XPR1: variants seen among roughly 807,000 people sequenced by gnomAD.
The protein encoded by XPR1 is xenotropic and polytropic retrovirus receptor 1.
A neutral mutation model predicts 87.5 loss-of-function variants in XPR1; 28 were observed. The observed-to-expected ratio is 0.32, with a 90% CI of 0.24 to 0.44. The LOEUF is 0.44. XPR1 is among the 20% of genes least tolerant of loss of function. The pLI is 1.00. For missense variants in XPR1, 559 were observed against 862.3 expected (o/e 0.65, Z 4.41); for synonymous variants, 300 against 306.1 (o/e 0.98, Z 0.21).
intron 7 of XPR1, among the ~76,000 whole-genome samples, chr1:180,813,102 T>C (rs1328106844): frequency 2.7e-5 from 4 of 145,740 alleles, no homozygotes; most frequent in African/African-American, 1.0e-4. Context: ...TCATGGCTAC[T>C]CTTAAAATAA....
At chr1:180,863,935 T>G in intron 12 of XPR1, 61 bp downstream of exon 12, 1 of 1,444,312 alleles carries the variant, frequency 6.9e-7, no homozygotes. Context: ...TAGCTAATCC[T>G]GTTGCAGTAC....
chr1:180,696,208 G>GTATATATATATA (rs71121045), intron 2 of XPR1, among the ~76,000 whole-genome samples: 99 of 88,552 alleles, frequency 1.1e-3, no homozygotes, highest in African/African-American at 2.5e-3. Context: ...GTGTGTGTGT[G>GTATATATATATA]TATATATATA....
chr1:180,703,518 C>T (rs1470727044), intron 2 of XPR1, among the ~76,000 whole-genome samples: 2 of 152,128 alleles, frequency 1.3e-5, no homozygotes, highest in Non-Finnish European at 2.9e-5. Flanking sequence ...CCTGATTATG[C>T]ACATAATGCA....
At chr1:180,739,886 G>A (rs754048715) in intron 2 of XPR1, among the ~76,000 whole-genome samples, 2 of 151,832 alleles carry the variant, frequency 1.3e-5, no homozygotes, top group Admixed American at 6.6e-5. Flanking sequence ...GACTATAGGC[G>A]CTTTTGATGG....
chr1:180,650,746 C>T (rs756990759), intron 1 of XPR1, among the ~76,000 whole-genome samples: 2 of 152,070 alleles, frequency 1.3e-5, no homozygotes, highest in Admixed American at 6.6e-5. Flanking sequence ...AAATTTGTTG[C>T]AATTGAGCCT....
At position 180,885,747 on chromosome 1, in the gene XPR1, C is replaced by T. The variant is rs1404933049; in HGVS notation, c.*1681C>T. The T allele has an allele frequency of 6.6e-6, 1 of 152,170 alleles. No individual in the cohort carries two copies. Among genetic ancestry groups the T allele is most frequent in the African/African-American group, 2.4e-5 (1 of 41,442 alleles). The allele number at this position is 152,170 out of a possible 1,614,324, so 9.4% of individuals were successfully genotyped here. On this transcript the variant is annotated 3_prime_UTR_variant, in exon 15 of 15. Transcript: ENST00000367590. ...AAATAAGTGGAAGGGCAGCTATTACCATTCGCTTAGTCAAAACATTCGGTT... is the reference window on the plus strand; with the variant it reads ...AAATAAGTGGAAGGGCAGCTATTACTATTCGCTTAGTCAAAACATTCGGTT...
chr1:180,858,258 C>G (rs1426856524), intron 11 of XPR1, among the ~76,000 whole-genome samples: 2 of 152,070 alleles, frequency 1.3e-5, no homozygotes, highest in African/African-American at 4.8e-5. Flanking sequence ...TAAAGTCTTA[C>G]TTAAATCATT....
intron 2 of XPR1, among the ~76,000 whole-genome samples, chr1:180,742,168 A>T (rs765404055): frequency 6.6e-6 from 1 of 151,060 alleles, no homozygotes; most frequent in Non-Finnish European, 1.5e-5. Context: ...GGTCATTTCT[A>T]TTATTTCTAA....
At chr1:180,799,789 G>A (rs745711916) in intron 3 of XPR1, among the ~76,000 whole-genome samples, 17 of 152,170 alleles carry the variant, frequency 1.1e-4, no homozygotes, top group Non-Finnish European at 2.4e-4. Flanking sequence ...ATTATCAGAT[G>A]TGTAGCTGCA....
intron 1 of XPR1, among the ~76,000 whole-genome samples, chr1:180,634,955 AAGTATAT>A (rs1654716359): frequency 6.6e-6 from 1 of 152,070 alleles, no homozygotes; most frequent in Non-Finnish European, 1.5e-5. Flanking sequence ...TCCATAAAGT[AAGTATAT>A]AGGGCCAGAG....
At chr1:180,831,856 T>C (rs770745238) in intron 9 of XPR1, among the ~76,000 whole-genome samples, 1 of 152,208 alleles carries the variant, frequency 6.6e-6, no homozygotes, top group Non-Finnish European at 1.5e-5. Flanking sequence ...ACAGTAAACA[T>C]ACATGTGCAT....
intron 2 of XPR1, among the ~76,000 whole-genome samples, chr1:180,725,052 C>A (rs1658291533): frequency 6.6e-6 from 1 of 152,116 alleles, no homozygotes; most frequent in African/African-American, 2.4e-5. Flanking sequence ...TAAACAATAA[C>A]AAAGTCTATA....
intron 2 of XPR1, among the ~76,000 whole-genome samples, chr1:180,727,309 C>T (rs758841107): frequency 5.3e-5 from 8 of 151,924 alleles, no homozygotes; most frequent in African/African-American, 7.3e-5. Flanking sequence ...TTGGATCTTG[C>T]GCAAGAAAGA....
At chr1:180,642,775 T>C (rs920878397) in intron 1 of XPR1, among the ~76,000 whole-genome samples, 1 of 152,158 alleles carries the variant, frequency 6.6e-6, no homozygotes, top group Non-Finnish European at 1.5e-5. Flanking sequence ...GATTATGTTA[T>C]AGAGGAATGA....
chr1:180,682,395 G>T lies in XPR1; in HGVS notation c.105G>T (p.Gln35His). 6.2e-7 allele frequency: 1 copy of T among 1,600,418 alleles called. No individual in the cohort carries two copies. The highest frequency in any genetic ancestry group is 8.5e-7 in the Non-Finnish European group (1 of 1,173,090). The change falls in exon 2 of 15, where the codon CAG becomes CAT. Residue 35 changes from glutamine to histidine, a missense_variant. This residue lies in a region of XPR1 where 159 missense variants were observed against 263.3 expected (regional missense o/e 0.60). Transcript: ENST00000367590. Reference sequence around the variant, plus strand: ...ATATGCTGTATTCAGCTCAGGACCAGGCACCTTCTGTGGAAGGTAAGATGA... The same window carrying T: ...ATATGCTGTATTCAGCTCAGGACCATGCACCTTCTGTGGAAGGTAAGATGA... ...FKDMLYSAQD[Q>H]APSVEVTDED...
intron 2 of XPR1, among the ~76,000 whole-genome samples, chr1:180,786,123 A>G (rs1014451094): frequency 6.6e-6 from 1 of 152,050 alleles, no homozygotes; most frequent in African/African-American, 2.4e-5. Context: ...GCATTATCTG[A>G]TCAGGTCTAA....
At chr1:180,738,298 G>A (rs12088166) in intron 2 of XPR1, among the ~76,000 whole-genome samples, 3,826 of 152,056 alleles carry the variant, frequency 0.025, 166 homozygotes, top group African/African-American at 0.086. Context: ...GGTGTGAGCC[G>A]CTGCACCTGG....
At chr1:180,676,642 G>A (rs542411388) in intron 1 of XPR1, among the ~76,000 whole-genome samples, 1 of 152,070 alleles carries the variant, frequency 6.6e-6, no homozygotes, top group African/African-American at 2.4e-5. Context: ...TGTTTGATAA[G>A]CTCTTCTTGA....
chr1:180,647,153 A>G (rs1396141971), intron 1 of XPR1, among the ~76,000 whole-genome samples: 2 of 152,216 alleles, frequency 1.3e-5, no homozygotes, highest in Admixed American at 1.3e-4. Flanking sequence ...TCACCCTCCT[A>G]TAAGACTCTA....
Sources: gnomAD v4.1 joint callset for allele counts (sites outside exome capture counted in the v4.1 genomes callset) on GRCh38, gnomAD v4.1.1 for gene constraint, gnomAD v4.1.1 regional missense constraint, MANE v1.5 for transcripts, NCBI Gene and HGNC (gene_info 2026-07-23, HGNC 2026-07-21) for gene names.